GRID1: variants seen among roughly 807,000 people sequenced by gnomAD.
The protein encoded by GRID1 is glutamate receptor ionotropic, delta-1.
A neutral mutation model predicts 98.0 loss-of-function variants in GRID1; 28 were observed. That is an observed-to-expected ratio of 0.29 (90% CI 0.21 to 0.39). GRID1 has a LOEUF of 0.39. Ranked by LOEUF, GRID1 falls within the 10% of genes least tolerant of loss-of-function variation. The pLI is 1.00. For synonymous variants in GRID1, 553 were observed against 538.5 expected, an observed-to-expected ratio of 1.03 and a Z score of -0.37; for missense variants, 1,111 against 1,340.5, an observed-to-expected ratio of 0.83 and a Z score of 2.67.
chr10:85,826,027 G>A (rs957063962), intron 8 of GRID1, among the ~76,000 whole-genome samples: 4 of 152,178 alleles, frequency 2.6e-5, no homozygotes, highest in African/African-American at 7.2e-5. Flanking sequence ...ACTGTAAGTA[G>A]ATAAATACCC....
At chr10:86,332,360 G>A (rs538804001) in intron 2 of GRID1, among the ~76,000 whole-genome samples, 15 of 152,228 alleles carry the variant, frequency 9.9e-5, no homozygotes, top group Admixed American at 3.9e-4. Context: ...AGGATTCAGC[G>A]GCATGAGGTA....
At chr10:85,715,509 C>G (rs1257386029) in intron 12 of GRID1, among the ~76,000 whole-genome samples, 1 of 152,074 alleles carries the variant, frequency 6.6e-6, no homozygotes, top group African/African-American at 2.4e-5. Flanking sequence ...CAAAAACTCA[C>G]TAACCACAAA....
intron 5 of GRID1, among the ~76,000 whole-genome samples, chr10:85,894,288 C>T (rs1289243737): frequency 2.0e-5 from 3 of 152,112 alleles, no homozygotes; most frequent in African/African-American, 7.2e-5. Flanking sequence ...TTAATCTTAA[C>T]CCTTACCTCA....
intron 4 of GRID1, among the ~76,000 whole-genome samples, chr10:86,047,297 G>C (rs1304023876): frequency 6.6e-6 from 1 of 152,210 alleles, no homozygotes; most frequent in Non-Finnish European, 1.5e-5. Flanking sequence ...GTGTGGAGCA[G>C]AGCCAACCCC....
chr10:86,299,465 T>G (rs1169492824), intron 2 of GRID1, among the ~76,000 whole-genome samples: 1 of 151,872 alleles, frequency 6.6e-6, no homozygotes, highest in East Asian at 1.9e-4. Context: ...GTATATCTCC[T>G]AATGCTATCC....
intron 2 of GRID1, among the ~76,000 whole-genome samples, chr10:86,213,206 A>G (rs1846130244): frequency 2.6e-5 from 4 of 151,996 alleles, no homozygotes; most frequent in Admixed American, 1.3e-4. Context: ...CCCAACTAGG[A>G]GTCAACTCAG....
intron 4 of GRID1, among the ~76,000 whole-genome samples, chr10:86,090,107 C>G (rs1844123187): frequency 1.3e-5 from 1 of 77,184 alleles, no homozygotes; most frequent in Non-Finnish European, 2.5e-5. Flanking sequence ...AAAGAGGAGA[C>G]AGCAGAAAGA....
intron 2 of GRID1, among the ~76,000 whole-genome samples, chr10:86,230,023 T>A (rs1846425770): frequency 6.6e-6 from 1 of 152,214 alleles, no homozygotes; most frequent in African/African-American, 2.4e-5. Context: ...CATTGGTAAG[T>A]GAAGGAGTAA....
intron 4 of GRID1, among the ~76,000 whole-genome samples, chr10:86,082,662 C>T (rs1414653304): frequency 3.3e-5 from 5 of 152,180 alleles, no homozygotes; most frequent in African/African-American, 9.7e-5. Context: ...AGCACAGGCT[C>T]CTTCACACAA....
intron 12 of GRID1, among the ~76,000 whole-genome samples, chr10:85,659,119 G>T (rs543648051): frequency 6.6e-6 from 1 of 152,318 alleles, no homozygotes; most frequent in East Asian, 1.9e-4. Flanking sequence ...CAGAAAGTAT[G>T]TCACACATAT....
intron 4 of GRID1, among the ~76,000 whole-genome samples, chr10:86,002,166 C>A (rs1322126034): frequency 6.6e-6 from 1 of 152,232 alleles, no homozygotes; most frequent in Admixed American, 6.5e-5. Flanking sequence ...AACAAGGTCA[C>A]ATTCACAGTT....
intron 4 of GRID1, among the ~76,000 whole-genome samples, chr10:86,056,459 C>T (rs573945426): frequency 1.3e-5 from 2 of 152,290 alleles, no homozygotes; most frequent in South Asian, 2.1e-4. Flanking sequence ...ATTTCCAACC[C>T]GTGTCCCAAG....
chr10:86,038,750 C>T (rs984575723), intron 4 of GRID1, among the ~76,000 whole-genome samples: 3 of 152,220 alleles, frequency 2.0e-5, no homozygotes, highest in African/African-American at 7.2e-5. Context: ...TGTCACTTCT[C>T]TTTAACGTAA....
At chr10:85,907,119 G>C (rs1315707336) in intron 5 of GRID1, among the ~76,000 whole-genome samples, 1 of 152,090 alleles carries the variant, frequency 6.6e-6, no homozygotes, top group African/African-American at 2.4e-5. Flanking sequence ...TGTTTGTTTT[G>C]TTTTGTTTTT....
Position 85,632,858 on chromosome 10 carries a change from C to G in GRID1, c.2194-12825G>C, listed in dbSNP as rs866882193. ...AGGTATTAAGCCTCACATGCATTAA[C>G]TATTTATTCTGATGCCATCCCTCCA... is the stretch of plus-strand genomic sequence containing the variant. On this transcript the variant is annotated intron_variant, in intron 13 of 15. Transcript: ENST00000327946. Among the ~76,000 whole-genome samples, 6 of 152,312 alleles carry G rather than the reference C, an allele frequency of 3.9e-5. No homozygotes were observed. The South Asian group carries it at 1.2e-3, about 32-fold the overall frequency.
chr10:85,854,736 A>G (rs1012910219), intron 7 of GRID1, 121 bp from the exon 8 acceptor site: 1 of 923,634 alleles, frequency 1.1e-6, no homozygotes, highest in Non-Finnish European at 1.7e-6. Flanking sequence ...GAGACCATGG[A>G]CAGGCTGTAA....
rs571812945 is a variant in GRID1, at chr10:86,109,030, A to G, written c.726+29789T>C. ...CCTGCACACCTCCCACATTAAAGAA[A>G]CCCAAACATTCGTTCCACCTTCCCT... On this transcript the variant is annotated intron_variant, in intron 4 of 15. Transcript: ENST00000327946. Among the ~76,000 whole-genome samples, 10 of 152,252 alleles carry G rather than the reference A, an allele frequency of 6.6e-5. No homozygotes were observed. In the East Asian group the frequency reaches 1.9e-3, roughly 29 times the overall value.
At chr10:85,642,539 CTCAG>C (rs1590171454) in intron 13 of GRID1, among the ~76,000 whole-genome samples, 1 of 152,216 alleles carries the variant, frequency 6.6e-6, no homozygotes, top group African/African-American at 2.4e-5. Flanking sequence ...TCTGCCTCTG[CTCAG>C]TCAGACAGCA....
At chr10:85,876,179 T>A (rs1389764347) in intron 5 of GRID1, among the ~76,000 whole-genome samples, 4 of 152,024 alleles carry the variant, frequency 2.6e-5, no homozygotes, top group African/African-American at 7.2e-5. Context: ...AATAACAGAG[T>A]TTTATTCTAT....
Sources: gnomAD v4.1 joint callset for allele counts (sites outside exome capture counted in the v4.1 genomes callset) on GRCh38, gnomAD v4.1.1 for gene constraint, MANE v1.5 for transcripts, NCBI Gene and HGNC (gene_info 2026-07-23, HGNC 2026-07-21) for gene names.